Variants in DPYD observed in about 807,000 individuals in gnomAD.
DPYD encodes the protein dihydropyrimidine dehydrogenase, also known as dihydropyrimidine dehydrogenase [NADP(+)].
DPYD carries 109 observed loss-of-function variants against 116.2 expected under a neutral mutation model. The ratio of observed to expected loss-of-function variants is 0.94; its 90% CI spans 0.80 to 1.10. The LOEUF (loss-of-function observed/expected upper bound fraction) is 1.10, where lower values mean the gene tolerates loss of function less well. Ranked by LOEUF, DPYD falls within the 50% of genes least tolerant of loss-of-function variation. DPYD has a pLI of 0.00. For missense variants in DPYD, 1,302 were observed against 1,254.5 expected (o/e 1.04, Z -0.57); for synonymous variants, 440 against 432.0 (o/e 1.02, Z -0.23).
At chr1:97,372,918 T>A (rs1671381447) in intron 16 of DPYD, among the ~76,000 whole-genome samples, 1 of 152,218 alleles carries the variant, frequency 6.6e-6, no homozygotes, top group South Asian at 2.1e-4. Flanking sequence ...AATACTCACC[T>A]TTTTAGCATT....
chr1:97,615,458 A>G (rs939318015), intron 8 of DPYD, among the ~76,000 whole-genome samples: 3 of 152,156 alleles, frequency 2.0e-5, no homozygotes, highest in Non-Finnish European at 4.4e-5. Flanking sequence ...CAAACTACAT[A>G]CCAGCTATGC....
chr1:97,544,317 G>A (rs935827625), intron 12 of DPYD, among the ~76,000 whole-genome samples: 1 of 152,036 alleles, frequency 6.6e-6, no homozygotes, highest in Non-Finnish European at 1.5e-5. Flanking sequence ...GCAGGAAGGT[G>A]GAAATGTTGA....
chr1:97,173,518 G>T lies in DPYD; in HGVS notation c.2622+19551C>A, dbSNP rs181934369. Among the ~76,000 whole-genome samples the T allele has an allele frequency of 1.3e-3, 198 of 148,322 alleles. 1 individual carries two copies. Among genetic ancestry groups the T allele is most frequent in the African/African-American group, 4.8e-3 (192 of 39,966 alleles). Reference sequence around the variant, plus strand: ...CATATATAAAATACACACACAAAAGGTATATACAATTATGTGAAGTATTTA... The same window carrying T: ...CATATATAAAATACACACACAAAAGTTATATACAATTATGTGAAGTATTTA... On this transcript the variant is annotated intron_variant, in intron 20 of 22. Transcript: ENST00000370192.
chr1:97,078,907 A>G lies in DPYD; in HGVS notation c.*69T>C. On this transcript the variant is annotated 3_prime_UTR_variant, in exon 23 of 23. Coordinates refer to ENST00000370192, the MANE Select transcript of DPYD (RefSeq NM_000110.4). Reference sequence around the variant, plus strand: ...AATTTGGAAAGAGCTGAACACAAGGATCATGATTTTAAAAGATCAGCATAT... The same window carrying G: ...AATTTGGAAAGAGCTGAACACAAGGGTCATGATTTTAAAAGATCAGCATAT... The G allele has an allele frequency of 6.5e-7, 1 of 1,537,336 alleles. No homozygotes were observed. Among genetic ancestry groups the G allele is most frequent in the South Asian group, 1.1e-5 (1 of 89,432 alleles).
intron 3 of DPYD, among the ~76,000 whole-genome samples, chr1:97,745,447 C>A (rs918696135): frequency 2.2e-4 from 33 of 152,138 alleles, no homozygotes; most frequent in African/African-American, 6.5e-4. Flanking sequence ...GAACAGAACA[C>A]AATTCACACA....
At chr1:97,128,174 A>C (rs1000380077) in intron 20 of DPYD, among the ~76,000 whole-genome samples, 8 of 152,204 alleles carry the variant, frequency 5.3e-5, no homozygotes, top group Admixed American at 4.6e-4. Flanking sequence ...GAAAAATCCC[A>C]AGGAATTGCA....
In DPYD at chr1:97,746,112, C is replaced by A. The variant is rs1664537492; in HGVS notation, c.234-5633G>T. Among the ~76,000 whole-genome samples the A allele has an allele frequency of 4.6e-5, 7 of 152,026 alleles. 1 individual carries two copies. Among genetic ancestry groups the A allele is most frequent in the Admixed American group, 4.6e-4 (7 of 15,258 alleles). ...CACATAGTTTTGAAGGCTTACCCAA[C>A]CTTAGTAGTCATTGAGGCACTATGA... On this transcript the variant is annotated intron_variant, in intron 3 of 22. Coordinates refer to ENST00000370192, the MANE Select transcript of DPYD (RefSeq NM_000110.4).
At chr1:97,661,161 A>T (rs13375516) in intron 8 of DPYD, among the ~76,000 whole-genome samples, 1 of 152,190 alleles carries the variant, frequency 6.6e-6, no homozygotes, top group East Asian at 1.9e-4. Flanking sequence ...TTAAAAATAT[A>T]TGCTCATTTG....
chr1:97,119,967 CA>C (rs1371430464), intron 20 of DPYD, among the ~76,000 whole-genome samples: 1 of 152,124 alleles, frequency 6.6e-6, no homozygotes, highest in Non-Finnish European at 1.5e-5. Flanking sequence ...CTCATCCACA[CA>C]AAAGCTAAAC....
chr1:97,240,648 T>C (rs1662272592), intron 18 of DPYD, among the ~76,000 whole-genome samples: 1 of 152,006 alleles, frequency 6.6e-6, no homozygotes, highest in Non-Finnish European at 1.5e-5. Context: ...ATGAATTAAG[T>C]GGATAACAAA....
chr1:97,786,219 A>G (rs1005778842), intron 3 of DPYD, among the ~76,000 whole-genome samples: 1 of 152,204 alleles, frequency 6.6e-6, no homozygotes, highest in African/African-American at 2.4e-5. Context: ...TCTCTTTTAC[A>G]TGTTTATTAT....
intron 21 of DPYD, among the ~76,000 whole-genome samples, chr1:97,090,154 T>C (rs1649803884): frequency 6.6e-6 from 1 of 152,154 alleles, no homozygotes; most frequent in African/African-American, 2.4e-5. Context: ...GATTATGTAT[T>C]GGATTTAAGG....
At chr1:97,441,041 A>G (rs1430448333) in intron 14 of DPYD, among the ~76,000 whole-genome samples, 2 of 152,202 alleles carry the variant, frequency 1.3e-5, no homozygotes, top group African/African-American at 4.8e-5. Context: ...CTGACAATTA[A>G]TCACACTAGT....
chr1:97,174,037 C>T (rs948345030), intron 20 of DPYD, among the ~76,000 whole-genome samples: 6 of 151,682 alleles, frequency 4.0e-5, no homozygotes, highest in Admixed American at 3.3e-4. Flanking sequence ...AATAATAATG[C>T]TATTACAAGA....
At chr1:97,453,620 A>C (rs1366108813) in intron 13 of DPYD, among the ~76,000 whole-genome samples, 1 of 152,088 alleles carries the variant, frequency 6.6e-6, no homozygotes, top group Non-Finnish European at 1.5e-5. Flanking sequence ...GACAATATTT[A>C]ATTGGAAGAC....
At chr1:97,537,335 C>T (rs908409535) in intron 12 of DPYD, among the ~76,000 whole-genome samples, 1 of 152,014 alleles carries the variant, frequency 6.6e-6, no homozygotes, top group African/African-American at 2.4e-5. Context: ...AAATTACTGC[C>T]CCCAACATAA....
rs566519556 is a variant in DPYD at position 97,317,540 on chromosome 1, G to A, written c.2059-11243C>T. The stretch of plus-strand genomic sequence containing the variant: ...TTGGCATTTGTTTTCTTAATGCAAA[G>A]CATTAGTGTAAACAGTATAACAATT... On this transcript the variant is annotated intron_variant, in intron 16 of 22. Transcript: ENST00000370192. 9.2e-5 allele frequency among the ~76,000 whole-genome samples: 14 copies of A among 152,158 alleles called. 1 individual carries two copies. In the South Asian group the frequency reaches 1.2e-3, roughly 14 times the overall value.
At chr1:97,411,511 A>G (rs1296465442) in intron 14 of DPYD, among the ~76,000 whole-genome samples, 1 of 151,974 alleles carries the variant, frequency 6.6e-6, no homozygotes, top group African/African-American at 2.4e-5. Context: ...ACCCCAGTAA[A>G]CAACAATAGA....
intron 18 of DPYD, among the ~76,000 whole-genome samples, chr1:97,294,634 A>G (rs1666410283): frequency 6.6e-6 from 1 of 152,250 alleles, no homozygotes; most frequent in African/African-American, 2.4e-5. Flanking sequence ...ATTAAGAAGG[A>G]CATCCAAAGT....
Sources: allele counts gnomAD v4.1 joint callset (sites outside exome capture counted in the v4.1 genomes callset), GRCh38; gene constraint gnomAD v4.1.1; transcripts MANE v1.5; gene names NCBI Gene and HGNC (gene_info 2026-07-23, HGNC 2026-07-21).